The following ZBTB7C variants were observed in gnomAD, a reference collection of about 807,000 sequenced individuals.
ZBTB7C encodes zinc finger and BTB domain containing 7C.
In ZBTB7C, 8 loss-of-function variants were observed where a neutral mutation model predicts 25.7. That is an observed-to-expected ratio of 0.31 (90% CI 0.18 to 0.56). ZBTB7C has a LOEUF of 0.56. Ranked by LOEUF, ZBTB7C falls within the 20% of genes least tolerant of loss-of-function variation. The pLI is 0.91. For missense variants in ZBTB7C, 824 were observed against 855.2 expected (o/e 0.96, Z 0.46); for synonymous variants, 394 against 369.0 (o/e 1.07, Z -0.78).
chr18:48,308,608 G>A (rs901746308), intron 2 of ZBTB7C, among the ~76,000 whole-genome samples: 16 of 152,340 alleles, frequency 1.1e-4, no homozygotes, highest in African/African-American at 3.1e-4. Context: ...ATAGTCAGAT[G>A]TTTAAGATGT....
Position 48,280,871 on chromosome 18 carries a change from T to TG in ZBTB7C, c.-79+57302dup, listed in dbSNP as rs1568349495. On this transcript the variant is annotated intron_variant, in intron 2 of 4. Coordinates refer to ENST00000590800, the MANE Select transcript of ZBTB7C (RefSeq NM_001318841.2). ...CTCTTTTTTTTTTTTTTTTTTTTTTTGAGACAGAGTCTTGTTCTGTCATCC... is the reference window on the plus strand; with the variant it reads ...CTCTTTTTTTTTTTTTTTTTTTTTTTGGAGACAGAGTCTTGTTCTGTCATCC... Among the ~76,000 whole-genome samples, 18 of 110,598 alleles carry TG rather than the reference T, an allele frequency of 1.6e-4. 1 individual carries two copies. Among genetic ancestry groups the TG allele is most frequent in the Admixed American group, 3.5e-4 (4 of 11,450 alleles). 72.6% of individuals were successfully genotyped at this position (110,598 alleles called of 152,430 possible). A position where few individuals can be genotyped will look rare whatever the true frequency, so the allele number is the denominator to read the frequency against.
intron 2 of ZBTB7C, among the ~76,000 whole-genome samples, chr18:48,215,450 A>G (rs1335974251): frequency 6.6e-6 from 1 of 152,214 alleles, no homozygotes; most frequent in Non-Finnish European, 1.5e-5. Flanking sequence ...TCAATATATG[A>G]GAGGTATACA....
chr18:48,273,229 A>G (rs1301013486), intron 2 of ZBTB7C, among the ~76,000 whole-genome samples: 1 of 152,204 alleles, frequency 6.6e-6, no homozygotes, highest in African/African-American at 2.4e-5. Flanking sequence ...CTCATATGGA[A>G]GTATAAAGGG....
At chr18:48,117,763 A>G (rs1005145425) in intron 3 of ZBTB7C, among the ~76,000 whole-genome samples, 1 of 152,162 alleles carries the variant, frequency 6.6e-6, no homozygotes, top group Non-Finnish European at 1.5e-5. Context: ...CTCAAGCAGA[A>G]CGAATCTTTA....
At chr18:48,228,049 C>T (rs749912391) in intron 2 of ZBTB7C, among the ~76,000 whole-genome samples, 4 of 152,092 alleles carry the variant, frequency 2.6e-5, no homozygotes, top group Non-Finnish European at 5.9e-5. Context: ...ATGGAGAGGC[C>T]GCCCCACCTG....
chr18:48,367,175 T>TTATATATATATG (rs1555751918), intron 1 of ZBTB7C, among the ~76,000 whole-genome samples: 2 of 62,278 alleles, frequency 3.2e-5, no homozygotes, highest in Non-Finnish European at 6.3e-5. Context: ...TCCCCAAGTT[T>TTATATATATATG]TATATATATA....
intron 2 of ZBTB7C, among the ~76,000 whole-genome samples, chr18:48,289,091 C>T (rs1481790131): frequency 1.3e-5 from 2 of 152,186 alleles, no homozygotes; most frequent in Non-Finnish European, 2.9e-5. Context: ...CACTTCCCAT[C>T]GCCAGACAGG....
In ZBTB7C at chr18:48,040,884, T is replaced by C. The variant is rs1371610868; in HGVS notation, c.224A>G (p.Tyr75Cys). The C allele has an allele frequency of 3.7e-6, 6 of 1,614,122 alleles. No individual in the cohort carries two copies. The highest frequency in any genetic ancestry group is 4.2e-6 in the Non-Finnish European group (5 of 1,180,010). ...CTCAGGCTGGACAAAGTCGATCTCATAGACGTAGGGCTGGCTGGCTAGGGT... is the reference window on the plus strand; with the variant it reads ...CTCAGGCTGGACAAAGTCGATCTCACAGACGTAGGGCTGGCTGGCTAGGGT... The part of the protein sequence containing the change: ...AGTLASQPYV[Y>C]EIDFVQPEAL... The change falls in exon 4 of 5, where the codon TAT (tyrosine) becomes TGT (cysteine). Residue 75 changes from tyrosine (Y) to cysteine (C), a missense_variant. Transcript: ENST00000590800.
intron 2 of ZBTB7C, among the ~76,000 whole-genome samples, chr18:48,210,177 G>A (rs114007642): frequency 6.6e-6 from 1 of 152,130 alleles, no homozygotes; most frequent in Admixed American, 6.5e-5. Flanking sequence ...ACAAGTGTGG[G>A]CAAGGATGTG....
At chr18:48,179,981 C>T (rs1398321356) in intron 3 of ZBTB7C, among the ~76,000 whole-genome samples, 6 of 102,302 alleles carry the variant, frequency 5.9e-5, no homozygotes, top group Non-Finnish European at 1.2e-4. Context: ...TTCCTTCCCT[C>T]CCTCCCTTCC....
intron 3 of ZBTB7C, among the ~76,000 whole-genome samples, chr18:48,119,391 G>C (rs1372722580): frequency 6.6e-6 from 1 of 152,240 alleles, no homozygotes; most frequent in African/African-American, 2.4e-5. Flanking sequence ...CAGTGCAAGC[G>C]AGTCTTTGTT....
chr18:48,398,768 T>C (rs1310303010), intron 1 of ZBTB7C, among the ~76,000 whole-genome samples: 1 of 151,906 alleles, frequency 6.6e-6, no homozygotes, highest in Non-Finnish European at 1.5e-5. Flanking sequence ...CAGCACATAG[T>C]GGGAGCTCAG....
At chr18:48,063,247 C>T (rs367892895) in intron 3 of ZBTB7C, among the ~76,000 whole-genome samples, 6 of 152,324 alleles carry the variant, frequency 3.9e-5, no homozygotes, top group African/African-American at 9.6e-5. Flanking sequence ...CACCCATCTC[C>T]GCTGCCCTTA....
intron 2 of ZBTB7C, among the ~76,000 whole-genome samples, chr18:48,267,030 T>C (rs1331930868): frequency 6.6e-6 from 1 of 152,192 alleles, no homozygotes; most frequent in East Asian, 1.9e-4. Flanking sequence ...CTGAGGTCAT[T>C]TGATGTTTGT....
At chr18:48,286,489 C>A (rs916791367) in intron 2 of ZBTB7C, among the ~76,000 whole-genome samples, 2 of 152,108 alleles carry the variant, frequency 1.3e-5, no homozygotes, top group South Asian at 4.2e-4. Context: ...CAGATTACTA[C>A]TTGATGCAAT....
chr18:48,347,532 G>A (rs754529117), intron 1 of ZBTB7C, among the ~76,000 whole-genome samples: 11 of 151,918 alleles, frequency 7.2e-5, no homozygotes, highest in Non-Finnish European at 8.8e-5. Flanking sequence ...TCCTCTCCCC[G>A]TCAAGCAGCA....
At chr18:48,100,892 G>A (rs952559079) in intron 3 of ZBTB7C, among the ~76,000 whole-genome samples, 1 of 97,968 alleles carries the variant, frequency 1.0e-5, no homozygotes, top group African/African-American at 3.4e-5. Context: ...GGCCCTGCCT[G>A]TAGGGGCGGT....
intron 2 of ZBTB7C, among the ~76,000 whole-genome samples, chr18:48,241,387 C>G (rs1180364270): frequency 6.6e-6 from 1 of 152,128 alleles, no homozygotes; most frequent in African/African-American, 2.4e-5. Context: ...CTCTACCCAA[C>G]AACTGCAGAA....
At position 48,299,835 on chromosome 18, in the gene ZBTB7C, A is replaced by G. The variant is rs112219710; in HGVS notation, c.-79+38339T>C. Reference sequence around the variant, plus strand: ...GACATCTATTTTCCTGCAAGTTAATATCATCTGACATTGGATACAATTTTT... The same window carrying G: ...GACATCTATTTTCCTGCAAGTTAATGTCATCTGACATTGGATACAATTTTT... On this transcript the variant is annotated intron_variant, in intron 2 of 4. Transcript: ENST00000590800. 3.3e-3 allele frequency among the ~76,000 whole-genome samples: 509 copies of G among 152,376 alleles called. 5 individuals are homozygous for G. The highest frequency in any genetic ancestry group is 0.01 in the African/African-American group (427 of 41,586).
Sources: allele counts gnomAD v4.1 joint callset (sites outside exome capture counted in the v4.1 genomes callset), GRCh38; gene constraint gnomAD v4.1.1; transcripts MANE v1.5; gene names NCBI Gene and HGNC (gene_info 2026-07-23, HGNC 2026-07-21).